Variants in THAP8 observed in about 807,000 individuals in gnomAD.
THAP8 encodes THAP domain containing 8, also known as THAP domain-containing protein 8.
A neutral mutation model predicts 25.0 loss-of-function variants in THAP8; 24 were observed. That is an observed-to-expected ratio of 0.96 (90% confidence interval 0.69 to 1.35). The LOEUF (loss-of-function observed/expected upper bound fraction) is 1.35, where lower values mean the gene tolerates loss of function less well. Among genes scored for constraint, THAP8 ranks in the 40% most tolerant of loss-of-function variants. The pLI, the probability that THAP8 is intolerant of heterozygous loss-of-function variation, is 0.00. For missense variants in THAP8, 399 were observed against 368.8 expected (o/e 1.08, Z -0.67); for synonymous variants, 169 against 157.6 (o/e 1.07, Z -0.54).
intron 3 of THAP8, among the ~76,000 whole-genome samples, chr19:36,036,438 T>C (rs1969449242): frequency 6.6e-6 from 1 of 152,060 alleles, no homozygotes; most frequent in Admixed American, 6.6e-5. Context: ...TTGGCTAATT[T>C]TTTGTGTTTC....
chr19:36,046,976 A>G (rs1453470129), intron 1 of THAP8, among the ~76,000 whole-genome samples: 1 of 152,224 alleles, frequency 6.6e-6, no homozygotes, highest in Non-Finnish European at 1.5e-5. Flanking sequence ...AAAGGAAAAA[A>G]GTCAATATCC....
At chr19:36,041,153 A>G (rs1363990030) in intron 1 of THAP8, among the ~76,000 whole-genome samples, 1 of 151,744 alleles carries the variant, frequency 6.6e-6, no homozygotes, top group Non-Finnish European at 1.5e-5. Flanking sequence ...TCTACAAAAA[A>G]AAAAAAAAAT....
intron 1 of THAP8, chr19:36,045,844 G>A (rs765482033): frequency 2.2e-6 from 1 of 456,702 alleles, no homozygotes; most frequent in South Asian, 1.5e-5. Flanking sequence ...GAGGAGTACA[G>A]CCCTGCCGAC....
At chr19:36,053,579 A>G (rs1443832201) in intron 1 of THAP8, among the ~76,000 whole-genome samples, 1 of 151,202 alleles carries the variant, frequency 6.6e-6, no homozygotes, top group Non-Finnish European at 1.5e-5. Context: ...AAAAGCAAAG[A>G]AATGTTTTTT....
chr19:36,035,149 C>T lies in THAP8; in HGVS notation c.*291G>A. 1 of 309,056 alleles carries T rather than the reference C, an allele frequency of 3.2e-6. No homozygotes were observed. The highest frequency in any genetic ancestry group is 5.6e-5 in the East Asian group (1 of 17,900). The allele number at this position is 309,056 out of a possible 1,614,324, so 19.1% of individuals were successfully genotyped here. On this transcript the variant is annotated 3_prime_UTR_variant, in exon 4 of 4. Transcript: ENST00000292894. ...GGACTCCTTAGAACCAGGTATGATT[C>T]TCCCAAACAACCCTTGCTCTGCTCT... is the stretch of plus-strand genomic sequence containing the variant.
chr19:36,051,273 T>A (rs1260317496), intron 1 of THAP8, among the ~76,000 whole-genome samples: 2 of 152,030 alleles, frequency 1.3e-5, no homozygotes, highest in Non-Finnish European at 1.5e-5. Context: ...GTGTCACTGG[T>A]GTGAAGGGCA....
chr19:36,053,216 A>T (rs1329518754), intron 1 of THAP8, among the ~76,000 whole-genome samples: 3 of 151,708 alleles, frequency 2.0e-5, no homozygotes, highest in Admixed American at 6.6e-5. Flanking sequence ...TACACGCATG[A>T]GCCACCACGC....
chr19:36,054,531 C>T, upstream of THAP8: 3 of 560,078 alleles, frequency 5.4e-6, no homozygotes. Flanking sequence ...TCTGAGCCTG[C>T]GCCAACCAAA....
At chr19:36,038,633 C>T (rs1048413598) in intron 3 of THAP8, among the ~76,000 whole-genome samples, 1 of 152,086 alleles carries the variant, frequency 6.6e-6, no homozygotes, top group African/African-American at 2.4e-5. Flanking sequence ...AGGTGGATCA[C>T]GAGGTGAGGA....
At chr19:36,039,819 G>C (rs1464817340) in intron 2 of THAP8, 101 bp from the exon 3 acceptor site, 44 of 1,539,830 alleles carry the variant, frequency 2.9e-5, no homozygotes, top group Non-Finnish European at 3.8e-5. Flanking sequence ...GCCTAGGTAA[G>C]GCCAGACCTC....
intron 1 of THAP8, 118 bp from the exon 2 acceptor site, chr19:36,040,254 G>T: frequency 9.6e-7 from 1 of 1,046,386 alleles, no homozygotes; most frequent in Non-Finnish European, 1.3e-6. Context: ...GGGCTAGGAA[G>T]TAGACCTGTC....
chr19:36,041,698 C>G (rs1475064916), intron 1 of THAP8, among the ~76,000 whole-genome samples: 1 of 152,196 alleles, frequency 6.6e-6, no homozygotes, highest in African/African-American at 2.4e-5. Context: ...TGAAAAGATA[C>G]TTGACATCTC....
At position 36,039,983 on chromosome 19, in the gene THAP8, A is replaced by C; in HGVS notation, c.237T>G (p.Asp79Glu). Residue 79 changes from aspartate (D) to glutamate (E), a missense_variant, in exon 2 of 4, where the codon GAT (aspartate) becomes GAG (glutamate). Coordinates refer to ENST00000292894, the MANE Select transcript of THAP8 (RefSeq NM_152658.3). Reference sequence around the variant, plus strand: ...CCCGGGAGAAGATGGAGGGCACTGCATCAGGCCGCAGGTAGCGCACACCCC... The same window carrying C: ...CCCGGGAGAAGATGGAGGGCACTGCCTCAGGCCGCAGGTAGCGCACACCCC... ...WRWGVRYLRP[D>E]AVPSIFSRGP... 2 of 1,613,500 alleles carry C rather than the reference A, an allele frequency of 1.2e-6. No individual in the cohort carries two copies. Among genetic ancestry groups the C allele is most frequent in the Non-Finnish European group, 1.7e-6 (2 of 1,179,934 alleles).
At chr19:36,040,846 C>T (rs180981516) in intron 1 of THAP8, among the ~76,000 whole-genome samples, 58 of 152,162 alleles carry the variant, frequency 3.8e-4, no homozygotes, top group African/African-American at 1.3e-3. Context: ...CAAGCGAAAA[C>T]GTTTCTTCCA....
chr19:36,047,057 G>A (rs1009381), intron 1 of THAP8, among the ~76,000 whole-genome samples: 102,258 of 152,058 alleles, frequency 0.67, 34,874 homozygotes, highest in East Asian at 0.79. Context: ...AATGGGCAAT[G>A]TTGCTTTCTA....
At chr19:36,044,804 T>C (rs77609173) in intron 1 of THAP8, among the ~76,000 whole-genome samples, 1,724 of 152,220 alleles carry the variant, frequency 0.011, 30 homozygotes, top group African/African-American at 0.038. Flanking sequence ...TGCTCTCTCT[T>C]TGTTGAAAAG....
intron 1 of THAP8, among the ~76,000 whole-genome samples, chr19:36,050,977 G>T (rs887013602): frequency 6.6e-6 from 1 of 152,196 alleles, no homozygotes; most frequent in Non-Finnish European, 1.5e-5. Context: ...CAGGAGGAAA[G>T]AAGAAAGACA....
At chr19:36,052,776 G>C (rs1038377996) in intron 1 of THAP8, among the ~76,000 whole-genome samples, 1 of 152,208 alleles carries the variant, frequency 6.6e-6, no homozygotes, top group African/African-American at 2.4e-5. Flanking sequence ...CCAAGCAAAA[G>C]TGAGATGTTT....
In THAP8 at chr19:36,039,506, T is replaced by A; in HGVS notation, c.489A>T (p.Glu163Asp). 1 of 1,580,734 alleles carries A rather than the reference T, an allele frequency of 6.3e-7. No homozygotes were observed. Among genetic ancestry groups the A allele is most frequent in the South Asian group, 1.1e-5 (1 of 87,530 alleles). The change falls in exon 3 of 4, where the codon GAA (glutamate) becomes GAT (aspartate). Residue 163 changes from glutamate to aspartate, a missense_variant. Glu to Asp is a conservative substitution (Grantham distance 45). Transcript: ENST00000292894. ...CGGTCTGGGCCTGTTGGGCAGGGAC[T>A]TCAGGTTGTGACCGCTCAGGAGTTG... is the stretch of plus-strand genomic sequence containing the variant. ...PAPTPERSQP[E>D]VPAQQAQTGL...
Sources: allele counts gnomAD v4.1 joint callset (sites outside exome capture counted in the v4.1 genomes callset), GRCh38; gene constraint gnomAD v4.1.1; transcripts MANE v1.5; gene names NCBI Gene and HGNC (gene_info 2026-07-23, HGNC 2026-07-21).